The following UBE2E1 variants were observed in gnomAD, a reference collection of about 807,000 sequenced individuals.
UBE2E1 encodes ubiquitin-conjugating enzyme E2 E1.
A neutral mutation model predicts 21.4 loss-of-function variants in UBE2E1; 6 were observed. The ratio of observed to expected loss-of-function variants is 0.28; its 90% CI spans 0.15 to 0.55. The LOEUF is 0.55. Ranked by LOEUF, UBE2E1 falls within the 20% of genes least tolerant of loss-of-function variation. The probability of loss-of-function intolerance (pLI) is 0.93; values close to 1 mark genes in which losing one functional copy is unlikely to be tolerated. For synonymous variants in UBE2E1, 87 were observed against 82.7 expected (o/e 1.05, Z -0.28); for missense variants, 142 against 236.5 (o/e 0.60, Z 2.62).
chr3:23,844,444 C>G (rs1434310922), intron 3 of UBE2E1, among the ~76,000 whole-genome samples: 1 of 152,116 alleles, frequency 6.6e-6, no homozygotes, highest in Non-Finnish European at 1.5e-5. Context: ...CATAGTATTC[C>G]AAGGGGTATA....
chr3:23,836,936 G>T lies in UBE2E1; in HGVS notation c.203+25426G>T, dbSNP rs1699986334. ...AGTAGTTTATGGTCTATCATGAAAA[G>T]ATGGGCAATTTGGGAAATCTGTGGC... On this transcript the variant is annotated intron_variant, in intron 3 of 5. Coordinates refer to ENST00000306627, the MANE Select transcript of UBE2E1 (RefSeq NM_003341.5). The surrounding 1 kb of genome is among the most constrained non-coding windows in gnomAD (Gnocchi z 4.1). Among the ~76,000 whole-genome samples the T allele has an allele frequency of 6.6e-6, 1 of 152,226 alleles. No individual in the cohort carries two copies. The highest frequency in any genetic ancestry group is 1.5e-5 in the Non-Finnish European group (1 of 68,034).
intron 3 of UBE2E1, among the ~76,000 whole-genome samples, chr3:23,830,238 T>C (rs1559479284): frequency 6.6e-6 from 1 of 152,120 alleles, no homozygotes; most frequent in African/African-American, 2.4e-5. Context: ...CTTTATAATA[T>C]CCCCTGACAA....
intron 3 of UBE2E1, among the ~76,000 whole-genome samples, chr3:23,844,202 T>C (rs1255174814): frequency 6.6e-6 from 1 of 152,156 alleles, no homozygotes; most frequent in Non-Finnish European, 1.5e-5. Context: ...TTCTCCTCTT[T>C]CCTGCTTGTT....
intron 3 of UBE2E1, among the ~76,000 whole-genome samples, chr3:23,845,961 T>C (rs1700194975): frequency 6.6e-6 from 1 of 152,242 alleles, no homozygotes; most frequent in African/African-American, 2.4e-5. Context: ...TCTTAACTAG[T>C]AGACCAAACA....
In UBE2E1 at chr3:23,808,235, T is replaced by C. The variant is rs1417209194; in HGVS notation, c.152+814T>C. Reference sequence around the variant, plus strand: ...ATCCTAAGCGGTCACCCTTTTTCTTTATTCTTTTCCTCTTAAGCCTCTGGA... The same window carrying C: ...ATCCTAAGCGGTCACCCTTTTTCTTCATTCTTTTCCTCTTAAGCCTCTGGA... On this transcript the variant is annotated intron_variant, in intron 2 of 5. Transcript: ENST00000306627. The surrounding 1 kb of genome is among the most constrained non-coding windows in gnomAD (Gnocchi z 4.9). Among the ~76,000 whole-genome samples the C allele has an allele frequency of 6.6e-6, 1 of 152,172 alleles. No individual in the cohort carries two copies. The highest frequency in any genetic ancestry group is 1.5e-5 in the Non-Finnish European group (1 of 68,030).
chr3:23,831,986 A>C (rs1033239326), intron 3 of UBE2E1, among the ~76,000 whole-genome samples: 1 of 152,182 alleles, frequency 6.6e-6, no homozygotes, highest in African/African-American at 2.4e-5. Flanking sequence ...GGTTACAGAC[A>C]TGAGCTACCA....
At chr3:23,829,418 C>T (rs1699822303) in intron 3 of UBE2E1, among the ~76,000 whole-genome samples, 1 of 151,932 alleles carries the variant, frequency 6.6e-6, no homozygotes, top group South Asian at 2.1e-4. Flanking sequence ...CCTCAGCCTC[C>T]CAAAGTGCTG....
intron 3 of UBE2E1, among the ~76,000 whole-genome samples, chr3:23,822,234 C>T (rs1160037833): frequency 6.6e-6 from 1 of 152,084 alleles, no homozygotes; most frequent in Non-Finnish European, 1.5e-5. Context: ...CTTCACGTGT[C>T]AAACCTGGTT....
At chr3:23,817,436 A>G (rs969005033) in intron 3 of UBE2E1, among the ~76,000 whole-genome samples, 58 of 141,334 alleles carry the variant, frequency 4.1e-4, no homozygotes, top group African/African-American at 1.3e-3. Context: ...AAAAAAAAAA[A>G]AAGAAAGAAA....
intron 3 of UBE2E1, among the ~76,000 whole-genome samples, chr3:23,841,509 T>G (rs1575823171): frequency 6.6e-6 from 1 of 152,218 alleles, no homozygotes; most frequent in East Asian, 1.9e-4. Context: ...ATGTGTTGAT[T>G]AGAGTTGGAC....
At chr3:23,838,581 G>A (rs973180024) in intron 3 of UBE2E1, among the ~76,000 whole-genome samples, 1 of 151,740 alleles carries the variant, frequency 6.6e-6, no homozygotes, top group African/African-American at 2.4e-5. Flanking sequence ...TGCAACCTCC[G>A]CCCTGCAGGG....
At chr3:23,862,339 T>G (rs1430791207) in intron 3 of UBE2E1, among the ~76,000 whole-genome samples, 1 of 152,244 alleles carries the variant, frequency 6.6e-6, no homozygotes, top group African/African-American at 2.4e-5. Flanking sequence ...TTCTTCGGTT[T>G]GGTCACCCTT....
chr3:23,846,930 T>G (rs1700220217), intron 3 of UBE2E1, among the ~76,000 whole-genome samples: 1 of 152,056 alleles, frequency 6.6e-6, no homozygotes, highest in Non-Finnish European at 1.5e-5. Context: ...TCTTGAAATA[T>G]TCTAAGGGCA....
chr3:23,850,192 G>A (rs1355987525), intron 3 of UBE2E1, among the ~76,000 whole-genome samples: 1 of 152,038 alleles, frequency 6.6e-6, no homozygotes, highest in East Asian at 1.9e-4. Flanking sequence ...ATTAAGACAA[G>A]GTTTCACTAT....
At chr3:23,828,389 A>G (rs1699798589) in intron 3 of UBE2E1, among the ~76,000 whole-genome samples, 1 of 152,234 alleles carries the variant, frequency 6.6e-6, no homozygotes. Flanking sequence ...CATTTTAAAT[A>G]TAGGTTTAAT....
In UBE2E1 at chr3:23,808,225, C is replaced by G. The variant is rs1350318782; in HGVS notation, c.152+804C>G. Among the ~76,000 whole-genome samples, 3 of 152,150 alleles carry G rather than the reference C, an allele frequency of 2.0e-5. No homozygotes were observed. Among genetic ancestry groups the G allele is most frequent in the Non-Finnish European group, 4.4e-5 (3 of 68,036 alleles). On this transcript the variant is annotated intron_variant, in intron 2 of 5. Transcript: ENST00000306627. The surrounding 1 kb of genome is among the most constrained non-coding windows in gnomAD (Gnocchi z 4.9). ...TATCCCTGCCATCCTAAGCGGTCACCCTTTTTCTTTATTCTTTTCCTCTTA... is the reference window on the plus strand; with the variant it reads ...TATCCCTGCCATCCTAAGCGGTCACGCTTTTTCTTTATTCTTTTCCTCTTA...
At chr3:23,873,574 C>T (rs552986853) in intron 3 of UBE2E1, among the ~76,000 whole-genome samples, 3 of 152,266 alleles carry the variant, frequency 2.0e-5, no homozygotes, top group South Asian at 2.1e-4. Context: ...GGTGACACCC[C>T]GTCTCTACTA....
At chr3:23,885,420 G>A (rs1273748761) in intron 3 of UBE2E1, among the ~76,000 whole-genome samples, 1 of 152,184 alleles carries the variant, frequency 6.6e-6, no homozygotes, top group Non-Finnish European at 1.5e-5. Flanking sequence ...TTTCACTGGA[G>A]AAGTTTCTGC....
chr3:23,862,236 A>G (rs1405462645), intron 3 of UBE2E1, among the ~76,000 whole-genome samples: 1 of 152,238 alleles, frequency 6.6e-6, no homozygotes, highest in Admixed American at 6.5e-5. Context: ...CTTAGCAGGC[A>G]TGTAAGGTCC....
Sources: allele counts gnomAD v4.1 joint callset (sites outside exome capture counted in the v4.1 genomes callset), GRCh38; gene constraint gnomAD v4.1.1; non-coding constraint Gnocchi (gnomAD v3.1); transcripts MANE v1.5; gene names NCBI Gene and HGNC (gene_info 2026-07-23, HGNC 2026-07-21).